Variants in RSRC2 observed in about 807,000 individuals in gnomAD.
The protein encoded by RSRC2 is arginine/serine-rich coiled-coil protein 2.
Under a neutral mutation model 61.3 loss-of-function variants are expected in RSRC2, and 5 were observed. The ratio of observed to expected loss-of-function variants is 0.08; its 90% CI spans 0.04 to 0.17. The LOEUF is 0.17. Among genes scored for constraint, RSRC2 ranks in the 10% least tolerant of loss-of-function variants. The pLI, the probability that RSRC2 is intolerant of heterozygous loss-of-function variation, is 1.00. For missense variants in RSRC2, 381 were observed against 518.8 expected (o/e 0.73, Z 2.58); for synonymous variants, 202 against 166.5 (o/e 1.21, Z -1.64).
intron 8 of RSRC2, 42 bp from the exon 9 acceptor site, chr12:122,506,965 TA>T: frequency 1.8e-6 from 2 of 1,138,014 alleles, no homozygotes; most frequent in Non-Finnish European, 2.6e-6. Context: ...AAAATTTAAA[TA>T]TTTTTTAGGA....
rs76401586 is a variant in RSRC2 at position 122,526,886 on chromosome 12, C to T, written c.-33G>A. 1.9e-6 allele frequency: 3 copies of T among 1,613,766 alleles called. No homozygotes were observed. In the African/African-American group the frequency reaches 4.0e-5, roughly 22 times the overall value. ...AGTCCCGGCCGCTAGAGCGGCGCCTCCACTTGTCGCTTTCAACAGTACCGG... is the reference window on the plus strand; with the variant it reads ...AGTCCCGGCCGCTAGAGCGGCGCCTTCACTTGTCGCTTTCAACAGTACCGG... On this transcript the variant is annotated 5_prime_UTR_variant, in exon 1 of 10. Coordinates refer to ENST00000331738, the MANE Select transcript of RSRC2 (RefSeq NM_023012.6).
intron 5 of RSRC2, 73 bp downstream of exon 5, chr12:122,517,154 C>A: frequency 1.3e-6 from 2 of 1,596,354 alleles, no homozygotes; most frequent in East Asian, 2.2e-5. Context: ...AATTTTAATA[C>A]TCTCTTACTG....
At chr12:122,514,713 G>C (rs1207530825) in intron 6 of RSRC2, 3 of 1,162,932 alleles carry the variant, frequency 2.6e-6, no homozygotes, top group Non-Finnish European at 3.3e-6. Context: ...TTTACTTACT[G>C]TTTCAGGTAT....
intron 5 of RSRC2, 21 bp from the exon 6 acceptor site, chr12:122,515,248 T>A (rs1958817137): frequency 1.2e-6 from 2 of 1,605,946 alleles, no homozygotes; most frequent in Non-Finnish European, 1.7e-6. Flanking sequence ...TCGTATTTCA[T>A]ATGTCAAATT....
At chr12:122,512,865 G>T (rs1317514250) in intron 6 of RSRC2, among the ~76,000 whole-genome samples, 1 of 152,016 alleles carries the variant, frequency 6.6e-6, no homozygotes, top group Non-Finnish European at 1.5e-5. Context: ...TTGTCCTTGA[G>T]AATAAAAGTT....
Position 122,526,920 on chromosome 12 carries a change from A to G in RSRC2, c.-67T>C. ...GCTTTCAACAGTACCGGCCGCTCCGAAGCTTCGCCTCAGACTAAATCGCTC... is the reference window on the plus strand; with the variant it reads ...GCTTTCAACAGTACCGGCCGCTCCGGAGCTTCGCCTCAGACTAAATCGCTC... On this transcript the variant is annotated 5_prime_UTR_variant, in exon 1 of 10. Transcript: ENST00000331738. The G allele has an allele frequency of 2.5e-6, 4 of 1,595,458 alleles. No homozygotes were observed. The highest frequency in any genetic ancestry group is 3.4e-6 in the Non-Finnish European group (4 of 1,163,322).
At chr12:122,514,995 ATT>A in intron 6 of RSRC2, 108 bp downstream of exon 6, 1 of 1,205,282 alleles carries the variant, frequency 8.3e-7, no homozygotes, top group South Asian at 1.4e-5. Context: ...ATGCCACCAT[ATT>A]ACTAAAGTAT....
At chr12:122,521,156 T>C in intron 3 of RSRC2, 1 of 431,926 alleles carries the variant, frequency 2.3e-6, no homozygotes, top group East Asian at 3.6e-5. Context: ...GAAATTTTTA[T>C]TGTGAATATT....
intron 6 of RSRC2, among the ~76,000 whole-genome samples, chr12:122,512,422 ATTTGC>A (rs1192509033): frequency 6.6e-6 from 1 of 152,040 alleles, no homozygotes; most frequent in Non-Finnish European, 1.5e-5. Context: ...AGTAAATTGG[ATTTGC>A]TTTAAGAATT....
intron 6 of RSRC2, among the ~76,000 whole-genome samples, chr12:122,511,869 C>T (rs976734980): frequency 1.3e-5 from 2 of 152,134 alleles, no homozygotes; most frequent in South Asian, 2.1e-4. Flanking sequence ...TGCAATGGCA[C>T]GACCTTGGCT....
rs1436686950 is a variant in RSRC2, at chr12:122,511,198, T to G, written c.726-10A>C. 9 of 1,586,940 alleles carry G rather than the reference T, an allele frequency of 5.7e-6. No individual in the cohort carries two copies. The highest frequency in any genetic ancestry group is 4.3e-6 in the Non-Finnish European group (5 of 1,161,768). ...CTTTGCCCTTTCCAACCTGCAAAATTAATTTCAATGAATTTAAAATAACAC... is the reference window on the plus strand; with the variant it reads ...CTTTGCCCTTTCCAACCTGCAAAATGAATTTCAATGAATTTAAAATAACAC... On this transcript the variant is annotated splice_polypyrimidine_tract_variant and intron_variant, in intron 6 of 9. Transcript: ENST00000331738.
Position 122,511,205 on chromosome 12 carries a change from A to G in RSRC2, c.726-17T>C. The G allele has an allele frequency of 6.4e-7, 1 of 1,563,424 alleles. No individual in the cohort carries two copies. The highest frequency in any genetic ancestry group is 8.8e-7 in the Non-Finnish European group (1 of 1,141,624). Reference sequence around the variant, plus strand: ...CTTTCCAACCTGCAAAATTAATTTCAATGAATTTAAAATAACACAATATAA... The same window carrying G: ...CTTTCCAACCTGCAAAATTAATTTCGATGAATTTAAAATAACACAATATAA... On this transcript the variant is annotated splice_polypyrimidine_tract_variant and intron_variant, in intron 6 of 9. Coordinates refer to ENST00000331738, the MANE Select transcript of RSRC2 (RefSeq NM_023012.6).
At chr12:122,506,800 A>C in intron 9 of RSRC2, 34 bp downstream of exon 9, 4 of 1,237,804 alleles carry the variant, frequency 3.2e-6, no homozygotes, top group Non-Finnish European at 4.8e-6. Context: ...GCTAATAGCT[A>C]ATACAAAGAT....
intron 3 of RSRC2, chr12:122,520,573 A>G (rs758749303): frequency 3.7e-6 from 5 of 1,366,784 alleles, no homozygotes; most frequent in South Asian, 3.4e-5. Context: ...CTCTTCGCGC[A>G]TAAGCACGCT....
Position 122,503,903 on chromosome 12 carries a change from C to G in RSRC2, c.*1624G>C. 1 of 151,902 alleles carries G rather than the reference C, an allele frequency of 6.6e-6. No individual in the cohort carries two copies. The highest frequency in any genetic ancestry group is 1.5e-5 in the Non-Finnish European group (1 of 67,994). The allele number at this position is 151,902 out of a possible 1,614,324, so 9.4% of individuals were successfully genotyped here. A position where few individuals can be genotyped will look rare whatever the true frequency, so the allele number is the denominator to read the frequency against. ...TTCAAGACCAACCTGGGCAACGTAA[C>G]AAGACCTTGTCTTTATAAAAAATTA... On this transcript the variant is annotated 3_prime_UTR_variant, in exon 10 of 10. Transcript: ENST00000331738.
At chr12:122,521,268 C>T in intron 3 of RSRC2, 117 bp downstream of exon 3, 2 of 664,778 alleles carry the variant, frequency 3.0e-6, no homozygotes, top group Non-Finnish European at 5.2e-6. Flanking sequence ...ACCCAATAAA[C>T]CTTTTAAATT....
intron 1 of RSRC2, 132 bp downstream of exon 1, chr12:122,526,716 G>C: frequency 9.9e-7 from 1 of 1,006,302 alleles, no homozygotes; most frequent in Non-Finnish European, 1.6e-6. Context: ...CCATGATGGC[G>C]GGCGCAGAAG....
chr12:122,509,245 G>A (rs1165801689), intron 7 of RSRC2, among the ~76,000 whole-genome samples: 9 of 151,676 alleles, frequency 5.9e-5, no homozygotes, highest in Admixed American at 1.3e-4. Context: ...TCAGGAGTTC[G>A]AGACCAGCCT....
rs186153473 is a variant in RSRC2, at chr12:122,503,682, T to C, written c.*1845A>G. ...ACGAAATGAAGGATCCATAGTGTCA[T>C]TTCCTTAGAAGGCTTAGATTTGTCA... On this transcript the variant is annotated 3_prime_UTR_variant, in exon 10 of 10. Coordinates refer to ENST00000331738, the MANE Select transcript of RSRC2 (RefSeq NM_023012.6). The C allele has an allele frequency of 2.4e-4, 37 of 152,354 alleles. No homozygotes were observed. Among genetic ancestry groups the C allele is most frequent in the African/African-American group, 8.7e-4 (36 of 41,584 alleles). The allele number at this position is 152,354 out of a possible 1,614,324, so 9.4% of individuals were successfully genotyped here. A position where few individuals can be genotyped will look rare whatever the true frequency, so the allele number is the denominator to read the frequency against.
Sources: gnomAD v4.1 joint callset for allele counts (sites outside exome capture counted in the v4.1 genomes callset) on GRCh38, gnomAD v4.1.1 for gene constraint, MANE v1.5 for transcripts, NCBI Gene and HGNC (gene_info 2026-07-23, HGNC 2026-07-21) for gene names.